The following LRP1B variants were observed in gnomAD, a reference collection of about 807,000 sequenced individuals.
LRP1B encodes low-density lipoprotein receptor-related protein 1B.
Under a neutral mutation model 556.6 loss-of-function variants are expected in LRP1B, and 217 were observed. That is an observed-to-expected ratio of 0.39 (90% CI 0.35 to 0.44). The LOEUF (loss-of-function observed/expected upper bound fraction) is 0.44, where lower values mean the gene tolerates loss of function less well. Among genes scored for constraint, LRP1B ranks in the 20% least tolerant of loss-of-function variants. The pLI is 1.00. For missense variants in LRP1B, 5,053 were observed against 5,620.8 expected (o/e 0.90, Z 3.23); for synonymous variants, 2,047 against 1,865.8 (o/e 1.10, Z -2.50).
At chr2:140,970,128 G>C (rs1334237448) in intron 18 of LRP1B, among the ~76,000 whole-genome samples, 4 of 152,112 alleles carry the variant, frequency 2.6e-5, no homozygotes, top group African/African-American at 2.4e-5. Flanking sequence ...TTTCCAACCT[G>C]GTTCCATTCT....
Position 140,536,590 on chromosome 2 carries a change from G to A in LRP1B, c.7633C>T (p.Leu2545Phe), listed in dbSNP as rs1160610891. ...HCKDKSDEKL[L>F]YCENRSCRRG... Reference sequence around the variant, plus strand: ...CATATTGGACACTTACCACAGTAGAGCAGTTTTTCATCTGATTTATCTTTA... The same window carrying A: ...CATATTGGACACTTACCACAGTAGAACAGTTTTTCATCTGATTTATCTTTA... Residue 2545 changes from leucine to phenylalanine, a missense_variant, in exon 46 of 91, where the codon CTC becomes TTC. This residue lies in a region of LRP1B where 3,619 missense variants were observed against 3,931.9 expected (regional missense o/e 0.92). Coordinates refer to ENST00000389484, the MANE Select transcript of LRP1B (RefSeq NM_018557.3). 1.2e-6 allele frequency: 2 copies of A among 1,608,700 alleles called. No individual in the cohort carries two copies. The highest frequency in any genetic ancestry group is 1.3e-5 in the African/African-American group (1 of 74,354).
intron 3 of LRP1B, among the ~76,000 whole-genome samples, chr2:141,313,863 ACT>A (rs1190206186): frequency 7.6e-6 from 1 of 132,216 alleles, no homozygotes; most frequent in Non-Finnish European, 1.6e-5. Context: ...CACAGATTTC[ACT>A]CTTTTTTTTT....
At chr2:141,741,376 A>C (rs1008270709) in intron 2 of LRP1B, among the ~76,000 whole-genome samples, 1 of 148,634 alleles carries the variant, frequency 6.7e-6, no homozygotes, top group African/African-American at 2.5e-5. Flanking sequence ...GAGCCTCCAA[A>C]CTGTTCTATA....
Position 141,330,577 on chromosome 2 carries a change from T to C in LRP1B, c.344-75936A>G, listed in dbSNP as rs147424235. Reference sequence around the variant, plus strand: ...TCTTTTCCTAACTCCAGATAACATATTTTTGAAAGCTCCTCAAGTCTCCAC... The same window carrying C: ...TCTTTTCCTAACTCCAGATAACATACTTTTGAAAGCTCCTCAAGTCTCCAC... On this transcript the variant is annotated intron_variant, in intron 3 of 90. Coordinates refer to ENST00000389484, the MANE Select transcript of LRP1B (RefSeq NM_018557.3). Among the ~76,000 whole-genome samples the C allele has an allele frequency of 1.3e-3, 203 of 152,280 alleles. 9 individuals are homozygous for C. In the East Asian group the frequency reaches 0.037, roughly 28 times the overall value.
intron 43 of LRP1B, among the ~76,000 whole-genome samples, chr2:140,576,609 T>A (rs1430384476): frequency 6.6e-6 from 1 of 152,216 alleles, no homozygotes; most frequent in Non-Finnish European, 1.5e-5. Flanking sequence ...TCATCTGTTA[T>A]TCACTATACA....
rs2105064493 is a variant in LRP1B at position 140,325,893 on chromosome 2, C to T, written c.12224-15G>A. On this transcript the variant is annotated splice_polypyrimidine_tract_variant and intron_variant, in intron 79 of 90. Transcript: ENST00000389484. ...CACAGCCAAACCTGCAAAATCAACACACACAAGACAAATAGTGCAAGTAAA... is the reference window on the plus strand; with the variant it reads ...CACAGCCAAACCTGCAAAATCAACATACACAAGACAAATAGTGCAAGTAAA... 6.8e-7 allele frequency: 1 copy of T among 1,473,216 alleles called. No individual in the cohort carries two copies. 91.3% of individuals were successfully genotyped at this position (1,473,216 alleles called of 1,614,324 possible). A position where few individuals can be genotyped will look rare whatever the true frequency, so the allele number is the denominator to read the frequency against.
intron 3 of LRP1B, among the ~76,000 whole-genome samples, chr2:141,268,254 G>A (rs1684963073): frequency 6.6e-6 from 1 of 152,058 alleles, no homozygotes; most frequent in Admixed American, 6.6e-5. Flanking sequence ...AAAAATACAA[G>A]GTAGAAATCC....
intron 80 of LRP1B, among the ~76,000 whole-genome samples, chr2:140,324,960 TTTTTC>T (rs1274245513): frequency 9.9e-5 from 15 of 151,890 alleles, no homozygotes; most frequent in African/African-American, 3.6e-4. Flanking sequence ...GATTTAGTTG[TTTTTC>T]TTTTAACTTC....
intron 1 of LRP1B, among the ~76,000 whole-genome samples, chr2:141,906,219 C>T (rs1295694457): frequency 1.3e-5 from 2 of 151,620 alleles, no homozygotes; most frequent in Non-Finnish European, 2.9e-5. Context: ...TTAAAAAGTT[C>T]TCAAACACTG....
intron 2 of LRP1B, among the ~76,000 whole-genome samples, chr2:141,633,674 C>T (rs576872487): frequency 2.1e-4 from 32 of 152,096 alleles, no homozygotes; most frequent in African/African-American, 4.8e-4. Flanking sequence ...TAAGTACATT[C>T]GCAGTGTTGT....
intron 84 of LRP1B, among the ~76,000 whole-genome samples, chr2:140,292,683 A>G (rs769497048): frequency 3.3e-5 from 5 of 152,160 alleles, no homozygotes; most frequent in Non-Finnish European, 7.3e-5. Context: ...TTTCCTTTTT[A>G]GAATCAGACA....
chr2:140,811,002 TG>T (rs1690903184), intron 32 of LRP1B, among the ~76,000 whole-genome samples: 1 of 152,234 alleles, frequency 6.6e-6, no homozygotes, highest in African/African-American at 2.4e-5. Context: ...CACAAAGTGC[TG>T]GGATTACAGG....
chr2:141,657,891 T>C (rs1690073594), intron 2 of LRP1B, among the ~76,000 whole-genome samples: 1 of 152,224 alleles, frequency 6.6e-6, no homozygotes, highest in Admixed American at 6.5e-5. Context: ...GAAACATACA[T>C]TCATTTTGCC....
chr2:141,533,327 T>A (rs1487611372), intron 2 of LRP1B, among the ~76,000 whole-genome samples: 1 of 113,074 alleles, frequency 8.8e-6, no homozygotes, highest in East Asian at 2.3e-4. Flanking sequence ...AGACAACAAA[T>A]TTTTATAGAG....
chr2:141,183,528 C>T (rs1389268819), intron 7 of LRP1B, among the ~76,000 whole-genome samples: 1 of 152,030 alleles, frequency 6.6e-6, no homozygotes, highest in African/African-American at 2.4e-5. Context: ...ACTCTCCTGT[C>T]TCCTGGCAGA....
intron 1 of LRP1B, among the ~76,000 whole-genome samples, chr2:141,966,084 T>C (rs2105065282): frequency 6.6e-6 from 1 of 151,916 alleles, no homozygotes; most frequent in Admixed American, 6.6e-5. Flanking sequence ...ATGCTCAGTA[T>C]TTTTTGAGGT....
chr2:141,997,073 T>C (rs575021940), intron 1 of LRP1B, among the ~76,000 whole-genome samples: 4 of 152,190 alleles, frequency 2.6e-5, no homozygotes, highest in African/African-American at 9.6e-5. Context: ...AAGAACCAAG[T>C]GGGCTTAGAA....
chr2:140,987,594 T>C (rs977454406), intron 17 of LRP1B, among the ~76,000 whole-genome samples: 1 of 152,116 alleles, frequency 6.6e-6, no homozygotes, highest in African/African-American at 2.4e-5. Flanking sequence ...GTGTTATAAA[T>C]TGAGCCAGCA....
chr2:141,682,618 A>C (rs1691144734), intron 2 of LRP1B, among the ~76,000 whole-genome samples: 1 of 152,146 alleles, frequency 6.6e-6, no homozygotes, highest in Admixed American at 6.6e-5. Context: ...TGATTAGGAA[A>C]CTTTTCGAGT....
Sources: gnomAD v4.1 joint callset for allele counts (sites outside exome capture counted in the v4.1 genomes callset) on GRCh38, gnomAD v4.1.1 for gene constraint, gnomAD v4.1.1 regional missense constraint, MANE v1.5 for transcripts, NCBI Gene and HGNC (gene_info 2026-07-23, HGNC 2026-07-21) for gene names.